KDM4B: variants seen among roughly 807,000 people sequenced by gnomAD.
KDM4B encodes lysine-specific demethylase 4B.
Under a neutral mutation model 125.2 loss-of-function variants are expected in KDM4B, and 32 were observed. The ratio of observed to expected loss-of-function variants is 0.26; its 90% CI spans 0.19 to 0.34. The LOEUF (loss-of-function observed/expected upper bound fraction) is 0.34, where lower values mean the gene tolerates loss of function less well. KDM4B is among the 10% of genes least tolerant of loss of function. The probability of loss-of-function intolerance (pLI) is 1.00; values close to 1 mark genes in which losing one functional copy is unlikely to be tolerated. For synonymous variants in KDM4B, 721 were observed against 677.9 expected (o/e 1.06, Z -0.99); for missense variants, 1,190 against 1,577.7 (o/e 0.75, Z 4.16).
Position 5,089,152 on chromosome 19 carries a change from G to A in KDM4B, c.918+6648G>A, listed in dbSNP as rs117493327. On this transcript the variant is annotated intron_variant, in intron 9 of 22. Coordinates refer to ENST00000159111, the MANE Select transcript of KDM4B (RefSeq NM_015015.3). ...ACTCTGTGAATACACAAGCTCCTGC[G>A]TCGCACACCTGGTGAATTGTAGGGC... Among the ~76,000 whole-genome samples, 30 of 152,284 alleles carry A rather than the reference G, an allele frequency of 2.0e-4. No individual in the cohort carries two copies. The East Asian group carries it at 5.4e-3, about 27-fold the overall frequency.
At position 5,048,922 on chromosome 19, in the gene KDM4B, G is replaced by A. The variant is rs989730480; in HGVS notation, c.626+1253G>A. ...AGAAGCAGGGGGGTCAGGGACATGG[G>A]AGGTGGGGGACCAGCCAGTGAGTCA... On this transcript the variant is annotated intron_variant, in intron 6 of 22. Coordinates refer to ENST00000159111, the MANE Select transcript of KDM4B (RefSeq NM_015015.3). Among the ~76,000 whole-genome samples the A allele has an allele frequency of 5.9e-5, 9 of 152,340 alleles. 2 individuals carry two copies. The highest frequency in any genetic ancestry group is 2.2e-4 in the African/African-American group (9 of 41,588).
rs1211899224 is a variant in KDM4B at position 5,151,634 on chromosome 19, G to T, written c.*123G>T. ...CCCCGAGAGGCCACCTCCAAGCCGCGGGTGCCCCCTAGGGCGACAGGAGCC... is the reference window on the plus strand; with the variant it reads ...CCCCGAGAGGCCACCTCCAAGCCGCTGGTGCCCCCTAGGGCGACAGGAGCC... On this transcript the variant is annotated 3_prime_UTR_variant, in exon 23 of 23. Transcript: ENST00000159111. 2 of 907,678 alleles carry T rather than the reference G, an allele frequency of 2.2e-6. No homozygotes were observed. The highest frequency in any genetic ancestry group is 2.9e-6 in the Non-Finnish European group (2 of 686,294). 56.2% of individuals were successfully genotyped at this position (907,678 alleles called of 1,614,324 possible).
At position 4,975,677 on chromosome 19, in the gene KDM4B, C is replaced by T. The variant is rs529399704; in HGVS notation, c.-109+6447C>T. 5.3e-5 allele frequency among the ~76,000 whole-genome samples: 8 copies of T among 151,452 alleles called. No individual in the cohort carries two copies. The East Asian group carries it at 1.4e-3, about 26-fold the overall frequency. The stretch of plus-strand genomic sequence containing the variant: ...GGCTGATCTCGGCTCACTGCAACCT[C>T]CACCTCCCGGATTCAAGCGATTCTC... On this transcript the variant is annotated intron_variant, in intron 1 of 22. Transcript: ENST00000159111.
chr19:4,970,305 C>T (rs1002031836), intron 1 of KDM4B, among the ~76,000 whole-genome samples: 4 of 152,268 alleles, frequency 2.6e-5, no homozygotes, highest in Non-Finnish European at 5.9e-5. Flanking sequence ...TACCAGCACC[C>T]TGTGAGGAAG....
chr19:5,152,198 T>A lies in KDM4B; in HGVS notation c.*687T>A, dbSNP rs894197988. 1 of 152,140 alleles carries A rather than the reference T, an allele frequency of 6.6e-6. No individual in the cohort carries two copies. The highest frequency in any genetic ancestry group is 2.4e-5 in the African/African-American group (1 of 41,424). 9.4% of individuals were successfully genotyped at this position (152,140 alleles called of 1,614,324 possible). A position where few individuals can be genotyped will look rare whatever the true frequency, so the allele number is the denominator to read the frequency against. ...CACCCCGGCTCCTGGGCTTTGATGG[T>A]CTGGTGCCAGTGCCTGTGCCCACTC... On this transcript the variant is annotated 3_prime_UTR_variant, in exon 23 of 23. Transcript: ENST00000159111.
intron 1 of KDM4B, among the ~76,000 whole-genome samples, chr19:4,984,542 C>T (rs2034761910): frequency 6.6e-6 from 1 of 152,152 alleles, no homozygotes; most frequent in Non-Finnish European, 1.5e-5. Flanking sequence ...GACCCCAAGA[C>T]CAGGACTCCG....
chr19:5,094,558 G>A (rs764237073), intron 9 of KDM4B, among the ~76,000 whole-genome samples: 10 of 152,218 alleles, frequency 6.6e-5, no homozygotes, highest in East Asian at 1.9e-4. Flanking sequence ...GTCTGTGGGC[G>A]TGGGAAGAAG....
At chr19:4,983,359 T>G (rs1265573054) in intron 1 of KDM4B, among the ~76,000 whole-genome samples, 3 of 152,202 alleles carry the variant, frequency 2.0e-5, no homozygotes, top group African/African-American at 7.2e-5. Flanking sequence ...GCAGGACTTA[T>G]GGCTCTGATG....
At position 5,135,462 on chromosome 19, in the gene KDM4B, G is replaced by A. The variant is rs779752500; in HGVS notation, c.2209G>A (p.Gly737Ser). ...LIPEMCFTSG[G>S]ENTEPLPANS... ...CCCTGAGATGTGCTTCACCTCTGGC[G>A]GTGAGAACACGGAGCCGCTGCCTGC... Residue 737 changes from glycine to serine, a missense_variant, in exon 15 of 23, where the codon GGT becomes AGT. Physicochemically the swap from Gly to Ser is moderately conservative, Grantham distance 56. Coordinates refer to ENST00000159111, the MANE Select transcript of KDM4B (RefSeq NM_015015.3). The A allele has an allele frequency of 8.1e-6, 13 of 1,613,332 alleles. 1 individual carries two copies. Among genetic ancestry groups the A allele is most frequent in the African/African-American group, 2.7e-5 (2 of 74,940 alleles).
intron 6 of KDM4B, chr19:5,070,713 G>T: frequency 3.1e-6 from 1 of 320,234 alleles, no homozygotes; most frequent in East Asian, 5.7e-5. Context: ...CAGCCTCCTC[G>T]AGGTGGAGTG....
At chr19:4,987,555 T>C (rs574812594) in intron 1 of KDM4B, among the ~76,000 whole-genome samples, 1 of 152,104 alleles carries the variant, frequency 6.6e-6, no homozygotes, top group African/African-American at 2.4e-5. Context: ...AGATGCTATT[T>C]GTGGTTTATG....
intron 18 of KDM4B, chr19:5,138,330 TG>T: frequency 1.9e-6 from 1 of 515,852 alleles, no homozygotes; most frequent in South Asian, 2.2e-5. Flanking sequence ...GGTGTGGCCT[TG>T]GGGGCATCCT....
At chr19:4,992,832 G>C (rs529005480) in intron 1 of KDM4B, among the ~76,000 whole-genome samples, 52 of 152,160 alleles carry the variant, frequency 3.4e-4, no homozygotes, top group Non-Finnish European at 6.2e-4. Flanking sequence ...GTTCAACCCT[G>C]TGATTATTTA....
At chr19:5,017,362 T>C (rs965545088) in intron 2 of KDM4B, among the ~76,000 whole-genome samples, 2 of 152,206 alleles carry the variant, frequency 1.3e-5, no homozygotes, top group Non-Finnish European at 2.9e-5. Flanking sequence ...TATTGGCACA[T>C]GGCTGTGTCC....
intron 6 of KDM4B, among the ~76,000 whole-genome samples, chr19:5,052,490 C>G (rs370689010): frequency 2.2e-4 from 33 of 152,146 alleles, no homozygotes; most frequent in African/African-American, 6.8e-4. Flanking sequence ...CCCACCCAGG[C>G]CAAGCCAGGC....
chr19:5,014,754 G>A lies in KDM4B; in HGVS notation c.-108-1503G>A, dbSNP rs567132090. On this transcript the variant is annotated intron_variant, in intron 1 of 22. Transcript: ENST00000159111. Reference sequence around the variant, plus strand: ...TGAATTGTAAAAAGTGTACAACTTCGGGAGGCCGAGGTGGGTGGATTACAA... The same window carrying A: ...TGAATTGTAAAAAGTGTACAACTTCAGGAGGCCGAGGTGGGTGGATTACAA... Among the ~76,000 whole-genome samples, 31 of 152,136 alleles carry A rather than the reference G, an allele frequency of 2.0e-4. 2 individuals are homozygous for A. The highest frequency in any genetic ancestry group is 8.5e-4 in the Admixed American group (13 of 15,290).
chr19:5,121,597 C>T (rs2039363291), intron 11 of KDM4B, among the ~76,000 whole-genome samples: 1 of 152,098 alleles, frequency 6.6e-6, no homozygotes, highest in South Asian at 2.1e-4. Flanking sequence ...ATGGTGCTAG[C>T]AACCAGAAAT....
At chr19:5,072,332 C>T (rs1037744570) in intron 7 of KDM4B, among the ~76,000 whole-genome samples, 1 of 152,108 alleles carries the variant, frequency 6.6e-6, no homozygotes, top group Admixed American at 6.6e-5. Flanking sequence ...GTGGTGGGGA[C>T]GGAGGGGAAG....
chr19:5,042,689 G>T (rs540542512), intron 5 of KDM4B, among the ~76,000 whole-genome samples: 9 of 151,408 alleles, frequency 5.9e-5, no homozygotes, highest in Admixed American at 1.3e-4. Flanking sequence ...TGAGGGGGGG[G>T]GCGCCGTAGG....
Sources: allele counts gnomAD v4.1 joint callset (sites outside exome capture counted in the v4.1 genomes callset), GRCh38; gene constraint gnomAD v4.1.1; transcripts MANE v1.5; gene names NCBI Gene and HGNC (gene_info 2026-07-23, HGNC 2026-07-21).